The following KIAA1217 variants were observed in gnomAD, a reference collection of about 807,000 sequenced individuals.
The protein encoded by KIAA1217 is KIAA1217.
In KIAA1217, 88 loss-of-function variants were observed where a neutral mutation model predicts 163.9. The ratio of observed to expected loss-of-function variants is 0.54; its 90% CI spans 0.45 to 0.64. The LOEUF (loss-of-function observed/expected upper bound fraction) is 0.64, where lower values mean the gene tolerates loss of function less well. Among genes scored for constraint, KIAA1217 ranks in the 30% least tolerant of loss-of-function variants. KIAA1217 has a pLI of 0.00. For synonymous variants in KIAA1217, 903 were observed against 923.1 expected (o/e 0.98, Z 0.39); for missense variants, 2,372 against 2,475.0 (o/e 0.96, Z 0.88).
At position 24,543,995 on chromosome 10, in the gene KIAA1217, C is replaced by G; in HGVS notation, c.4725C>G (p.Phe1575Leu). 1 of 1,614,114 alleles carries G rather than the reference C, an allele frequency of 6.2e-7. No individual in the cohort carries two copies. The highest frequency in any genetic ancestry group is 8.5e-7 in the Non-Finnish European group (1 of 1,180,028). The stretch of plus-strand genomic sequence containing the variant: ...AAAGCCCCAAGAAAAAGTTTAAATT[C>G]AAATTCCCTAAGAAGCAACTCGCCG... ...QFESPKKKFK[F>L]KFPKKQLAAL... The change falls in exon 19 of 21, where the codon TTC becomes TTG. Residue 1575 changes from phenylalanine (F) to leucine (L), a missense_variant. Coordinates refer to ENST00000376454, the MANE Select transcript of KIAA1217 (RefSeq NM_019590.5).
intron 6 of KIAA1217, among the ~76,000 whole-genome samples, chr10:24,486,852 A>G (rs1302128355): frequency 6.6e-6 from 1 of 152,118 alleles, no homozygotes; most frequent in Admixed American, 6.5e-5. Flanking sequence ...GCTAATGGTC[A>G]GTAGAATGTA....
intron 3 of KIAA1217, among the ~76,000 whole-genome samples, chr10:24,390,858 G>C (rs2054828565): frequency 6.6e-6 from 1 of 152,132 alleles, no homozygotes; most frequent in African/African-American, 2.4e-5. Flanking sequence ...TCATATATGA[G>C]GCTTGCTGAA....
At chr10:24,160,253 TC>T (rs1485202076) in intron 2 of KIAA1217, among the ~76,000 whole-genome samples, 1 of 152,148 alleles carries the variant, frequency 6.6e-6, no homozygotes, top group Non-Finnish European at 1.5e-5. Flanking sequence ...TAATATCTTG[TC>T]AATTTCTACA....
intron 5 of KIAA1217, among the ~76,000 whole-genome samples, chr10:24,443,207 T>C (rs75973435): frequency 0.086 from 13,092 of 152,154 alleles, 588 homozygotes; most frequent in South Asian, 0.12. Flanking sequence ...TGGACAGTAA[T>C]GTTAATTATT....
At position 24,531,815 on chromosome 10, in the gene KIAA1217, T is replaced by C; in HGVS notation, c.3083-15T>C. On this transcript the variant is annotated splice_polypyrimidine_tract_variant and intron_variant, in intron 14 of 20. Transcript: ENST00000376454. ...TGAAAAAAGATTATTCTTGTAATGG[T>C]GCACTGTTTTCCAGAAGATTCTCCA... 4 of 1,575,786 alleles carry C rather than the reference T, an allele frequency of 2.5e-6. No homozygotes were observed. Among genetic ancestry groups the C allele is most frequent in the Non-Finnish European group, 3.5e-6 (4 of 1,157,252 alleles).
chr10:24,213,485 C>T (rs182980258), intron 1 of KIAA1217, among the ~76,000 whole-genome samples: 3 of 152,326 alleles, frequency 2.0e-5, no homozygotes, highest in Admixed American at 6.5e-5. Context: ...AAACAGCCCC[C>T]TCAGTCTCTG....
rs2063714318 is a variant in KIAA1217, at chr10:24,473,230, G to A, written c.849G>A (p.Met283Ile). The change falls in exon 6 of 21, where the codon ATG (methionine) becomes ATA (isoleucine). Residue 283 changes from methionine (M) to isoleucine (I), a missense_variant and splice_region_variant. Transcript: ENST00000376454. Reference sequence around the variant, plus strand: ...CTGATCCCTTGTTTTCTTTTCAGATGCAGAGAGAACTTGTTTATGCAAGAG... The same window carrying A: ...CTGATCCCTTGTTTTCTTTTCAGATACAGAGAGAACTTGTTTATGCAAGAG... Reference protein sequence around the residue: ...TPKTMNGDMRMQRELVYARGD... With the variant: ...TPKTMNGDMRIQRELVYARGD... 6.6e-7 allele frequency: 1 copy of A among 1,510,114 alleles called. No individual in the cohort carries two copies. Among genetic ancestry groups the A allele is most frequent in the Non-Finnish European group, 8.9e-7 (1 of 1,129,262 alleles). 93.5% of individuals were successfully genotyped at this position (1,510,114 alleles called of 1,614,324 possible). A position where few individuals can be genotyped will look rare whatever the true frequency, so the allele number is the denominator to read the frequency against.
chr10:24,536,697 G>A, intron 16 of KIAA1217, 77 bp from the exon 17 acceptor site: 4 of 1,511,528 alleles, frequency 2.6e-6, no homozygotes, highest in Non-Finnish European at 3.6e-6. Context: ...ACAAGCGTCT[G>A]GTTGTTCCTG....
chr10:23,766,599 T>C (rs1237367353), intron 1 of KIAA1217, among the ~76,000 whole-genome samples: 3 of 150,094 alleles, frequency 2.0e-5, no homozygotes, highest in Admixed American at 6.6e-5. Context: ...TTTTTCTTTT[T>C]TTTTTTTGAG....
intron 2 of KIAA1217, among the ~76,000 whole-genome samples, chr10:24,188,657 G>T (rs1412223843): frequency 6.6e-6 from 1 of 151,718 alleles, no homozygotes; most frequent in African/African-American, 2.4e-5. Context: ...AAAGATGGAG[G>T]TTGGGCCTTA....
intron 4 of KIAA1217, among the ~76,000 whole-genome samples, chr10:24,436,563 C>G (rs1271002751): frequency 6.6e-6 from 1 of 151,230 alleles, no homozygotes; most frequent in Admixed American, 6.6e-5. Flanking sequence ...TCGAGACCAT[C>G]CTGGTTAACA....
intron 2 of KIAA1217, among the ~76,000 whole-genome samples, chr10:24,380,130 C>T (rs2053092149): frequency 6.6e-6 from 1 of 152,048 alleles, no homozygotes; most frequent in Admixed American, 6.6e-5. Context: ...GTATGAGACT[C>T]TGAAGGACCA....
intron 3 of KIAA1217, among the ~76,000 whole-genome samples, chr10:24,409,020 A>G (rs1205388513): frequency 2.6e-5 from 4 of 152,218 alleles, no homozygotes; most frequent in Non-Finnish European, 5.9e-5. Flanking sequence ...TATGTGTTGC[A>G]TTAGTTAATG....
chr10:23,865,339 C>A (rs954208632), intron 1 of KIAA1217, among the ~76,000 whole-genome samples: 6 of 152,074 alleles, frequency 3.9e-5, no homozygotes, highest in Admixed American at 2.6e-4. Context: ...GGAAGTTGAG[C>A]ATCTTTTTAT....
intron 1 of KIAA1217, among the ~76,000 whole-genome samples, chr10:23,947,911 G>A (rs1844129112): frequency 6.6e-6 from 1 of 152,210 alleles, no homozygotes; most frequent in Non-Finnish European, 1.5e-5. Context: ...TGACTGAGAA[G>A]AGGTTCTTTT....
At chr10:24,276,974 G>A (rs1166208731) in intron 2 of KIAA1217, among the ~76,000 whole-genome samples, 2 of 151,776 alleles carry the variant, frequency 1.3e-5, no homozygotes, top group African/African-American at 2.4e-5. Flanking sequence ...GCCCAAGCTG[G>A]TGTCAAATTC....
chr10:23,931,609 T>C (rs1432885310), intron 1 of KIAA1217, among the ~76,000 whole-genome samples: 1 of 152,152 alleles, frequency 6.6e-6, no homozygotes, highest in Non-Finnish European at 1.5e-5. Context: ...GATAGGGGGA[T>C]GGATTATCCC....
At chr10:24,261,679 A>C (rs1400438036) in intron 2 of KIAA1217, among the ~76,000 whole-genome samples, 2 of 152,028 alleles carry the variant, frequency 1.3e-5, no homozygotes, top group Non-Finnish European at 2.9e-5. Context: ...CATGTGGGTG[A>C]TCCTCTTGTC....
rs369957947 is a variant in KIAA1217, at chr10:24,422,606, T to A, written c.554-10389T>A. 3.8e-4 allele frequency among the ~76,000 whole-genome samples: 58 copies of A among 152,322 alleles called. 2 individuals are homozygous for A. The South Asian group carries it at 0.012, about 31-fold the overall frequency. Reference sequence around the variant, plus strand: ...GACCTATTTGGAAGGACCAGGAGGATCACAGCACTGGAAATCAGCATCTTT... The same window carrying A: ...GACCTATTTGGAAGGACCAGGAGGAACACAGCACTGGAAATCAGCATCTTT... On this transcript the variant is annotated intron_variant, in intron 3 of 20. Transcript: ENST00000376454.
Sources: gnomAD v4.1 joint callset for allele counts (sites outside exome capture counted in the v4.1 genomes callset) on GRCh38, gnomAD v4.1.1 for gene constraint, MANE v1.5 for transcripts, NCBI Gene and HGNC (gene_info 2026-07-23, HGNC 2026-07-21) for gene names.